The following PTPRR variants were observed in gnomAD, a reference collection of about 807,000 sequenced individuals.
PTPRR encodes receptor-type tyrosine-protein phosphatase R.
A neutral mutation model predicts 77.2 loss-of-function variants in PTPRR; 38 were observed. The ratio of observed to expected loss-of-function variants is 0.49; its 90% CI spans 0.38 to 0.65. PTPRR has a LOEUF of 0.65. Ranked by LOEUF, PTPRR falls within the 30% of genes least tolerant of loss-of-function variation. PTPRR has a pLI of 0.00. For synonymous variants in PTPRR, 299 were observed against 283.1 expected, an observed-to-expected ratio of 1.06 and a Z score of -0.57; for missense variants, 744 against 799.2, an observed-to-expected ratio of 0.93 and a Z score of 0.83.
At chr12:70,860,911 C>A (rs1892742108) in intron 2 of PTPRR, among the ~76,000 whole-genome samples, 1 of 152,004 alleles carries the variant, frequency 6.6e-6, no homozygotes, top group Non-Finnish European at 1.5e-5. Context: ...CTCTCTATTC[C>A]CTTGCTTGTT....
chr12:70,907,910 C>T (rs1348998373), intron 1 of PTPRR, among the ~76,000 whole-genome samples: 1 of 152,150 alleles, frequency 6.6e-6, no homozygotes, highest in Non-Finnish European at 1.5e-5. Context: ...GAAAAATGCT[C>T]ATATGGCTAG....
intron 8 of PTPRR, among the ~76,000 whole-genome samples, chr12:70,693,567 C>T (rs1231650762): frequency 6.6e-6 from 1 of 152,060 alleles, no homozygotes; most frequent in Non-Finnish European, 1.5e-5. Flanking sequence ...ATTGCCCAGG[C>T]TGGTCTCAAA....
At chr12:70,673,481 T>C (rs1439138439) in intron 10 of PTPRR, among the ~76,000 whole-genome samples, 2 of 152,224 alleles carry the variant, frequency 1.3e-5, no homozygotes, top group African/African-American at 4.8e-5. Context: ...GTGTTAATCC[T>C]TAGTACATAT....
At chr12:70,844,746 G>GTA (rs1892455529) in intron 2 of PTPRR, among the ~76,000 whole-genome samples, 1 of 152,128 alleles carries the variant, frequency 6.6e-6, no homozygotes, top group East Asian at 1.9e-4. Context: ...ATAGACTTCA[G>GTA]CTGGGTACTA....
intron 13 of PTPRR, 42 bp from the exon 14 acceptor site, chr12:70,639,319 CT>C: frequency 6.3e-7 from 1 of 1,596,522 alleles, no homozygotes; most frequent in Non-Finnish European, 8.5e-7. Context: ...TTGCTAAAAT[CT>C]TGCAATTTCA....
chr12:70,746,945 T>A (rs1890232250), intron 5 of PTPRR, among the ~76,000 whole-genome samples: 2 of 152,134 alleles, frequency 1.3e-5, no homozygotes, highest in South Asian at 4.2e-4. Context: ...TCTGGTAGGG[T>A]AAAGTTAAAG....
At chr12:70,714,767 A>G (rs1228867471) in intron 6 of PTPRR, among the ~76,000 whole-genome samples, 1 of 152,022 alleles carries the variant, frequency 6.6e-6, no homozygotes, top group Non-Finnish European at 1.5e-5. Context: ...GGCAGATTGC[A>G]TGAGCCCAGG....
At chr12:70,833,299 G>A (rs1892246546) in intron 2 of PTPRR, among the ~76,000 whole-genome samples, 1 of 152,156 alleles carries the variant, frequency 6.6e-6, no homozygotes, top group Non-Finnish European at 1.5e-5. Context: ...AGGTTGGAAA[G>A]GTGGGTCTTG....
chr12:70,715,612 G>A (rs564423082), intron 6 of PTPRR, among the ~76,000 whole-genome samples: 6 of 152,282 alleles, frequency 3.9e-5, no homozygotes, highest in East Asian at 1.9e-4. Flanking sequence ...CCCCAGGCGC[G>A]TATTCTCTTT....
At chr12:70,920,312 C>T (rs1173288263) in intron 1 of PTPRR, 21 bp downstream of exon 1, 2 of 1,611,224 alleles carry the variant, frequency 1.2e-6, no homozygotes, top group Non-Finnish European at 1.7e-6. Flanking sequence ...AGCTCCGGCT[C>T]TAAGCCTGGC....
In PTPRR at chr12:70,676,806, C is replaced by T. The variant is rs115933806; in HGVS notation, c.1497+7321G>A. ...TTTTTTGCCAATATCATGTTGCTTT[C>T]GATACTGTAACTTTGGGGTATATTT... On this transcript the variant is annotated intron_variant, in intron 10 of 13. Coordinates refer to ENST00000283228, the MANE Select transcript of PTPRR (RefSeq NM_002849.4). 4.3e-3 allele frequency among the ~76,000 whole-genome samples: 646 copies of T among 148,598 alleles called. 4 individuals carry two copies. Among genetic ancestry groups the T allele is most frequent in the African/African-American group, 0.015 (626 of 40,688 alleles).
At chr12:70,796,827 A>T (rs1891524162) in intron 2 of PTPRR, among the ~76,000 whole-genome samples, 1 of 152,112 alleles carries the variant, frequency 6.6e-6, no homozygotes, top group African/African-American at 2.4e-5. Flanking sequence ...CAGGAGTTCG[A>T]GACCAGCCTG....
chr12:70,876,027 C>T (rs181927886), intron 2 of PTPRR, among the ~76,000 whole-genome samples: 2 of 152,264 alleles, frequency 1.3e-5, no homozygotes, highest in Non-Finnish European at 2.9e-5. Context: ...CCTGGTAAGA[C>T]TATGAGTACA....
intron 2 of PTPRR, among the ~76,000 whole-genome samples, chr12:70,839,125 T>C (rs765444325): frequency 6.6e-6 from 1 of 152,142 alleles, no homozygotes; most frequent in Admixed American, 6.6e-5. Context: ...TGCTGAACCA[T>C]GTGGAAAAGG....
chr12:70,814,561 T>C (rs1466068671), intron 2 of PTPRR, among the ~76,000 whole-genome samples: 1 of 152,114 alleles, frequency 6.6e-6, no homozygotes, highest in Non-Finnish European at 1.5e-5. Context: ...ATCCAGCTTA[T>C]AGTGGAGATC....
intron 2 of PTPRR, among the ~76,000 whole-genome samples, chr12:70,794,106 A>G (rs1207440843): frequency 6.6e-6 from 1 of 152,218 alleles, no homozygotes; most frequent in Non-Finnish European, 1.5e-5. Context: ...TAAGCCAGAT[A>G]CTTTGTCTCT....
chr12:70,685,473 CAAAAAAAAAAA>C (rs61205959), intron 8 of PTPRR, among the ~76,000 whole-genome samples: 3 of 60,978 alleles, frequency 4.9e-5, no homozygotes, highest in Non-Finnish European at 8.8e-5. Context: ...GACTTCATCT[CAAAAAAAAAAA>C]AAAAAAAAAA....
intron 4 of PTPRR, among the ~76,000 whole-genome samples, chr12:70,760,217 G>A (rs532088933): frequency 6.6e-6 from 1 of 152,202 alleles, no homozygotes; most frequent in Non-Finnish European, 1.5e-5. Flanking sequence ...ACCCATTTTG[G>A]ATTTGAAGAA....
Position 70,699,086 on chromosome 12 carries a change from G to T in PTPRR, c.1195-737C>A, listed in dbSNP as rs377060594. Among the ~76,000 whole-genome samples the T allele has an allele frequency of 1.1e-4, 16 of 152,128 alleles. No homozygotes were observed. In the East Asian group the frequency reaches 1.5e-3, roughly 15 times the overall value. On this transcript the variant is annotated intron_variant, in intron 7 of 13. Coordinates refer to ENST00000283228, the MANE Select transcript of PTPRR (RefSeq NM_002849.4). ...AAAGGTGTGTATCTGTAGCTAACCA[G>T]GACAAATAAAGCAACAAGCCAAAGT...
Sources: allele counts gnomAD v4.1 joint callset (sites outside exome capture counted in the v4.1 genomes callset), GRCh38; gene constraint gnomAD v4.1.1; transcripts MANE v1.5; gene names NCBI Gene and HGNC (gene_info 2026-07-23, HGNC 2026-07-21).